SPATA7: variants seen among roughly 807,000 people sequenced by gnomAD.
SPATA7 encodes spermatogenesis associated 7.
A neutral mutation model predicts 51.8 loss-of-function variants in SPATA7; 43 were observed. The ratio of observed to expected loss-of-function variants is 0.83; its 90% CI spans 0.65 to 1.07. SPATA7 has a LOEUF of 1.07. Ranked by LOEUF, SPATA7 falls within the 50% of genes least tolerant of loss-of-function variation. The probability of loss-of-function intolerance (pLI) is 0.00; values close to 1 mark genes in which losing one functional copy is unlikely to be tolerated. For synonymous variants in SPATA7, 230 were observed against 252.8 expected (o/e 0.91, Z 0.86); for missense variants, 683 against 701.3 (o/e 0.97, Z 0.30).
At chr14:88,421,734 AG>A (rs996715624) in intron 5 of SPATA7, among the ~76,000 whole-genome samples, 14 of 152,128 alleles carry the variant, frequency 9.2e-5, no homozygotes, top group Admixed American at 1.3e-4. Context: ...GCGGATCACA[AG>A]GTCAGGAGTT....
At chr14:88,464,072 A>G (rs1372928550) in intron 4 of SPATA7, among the ~76,000 whole-genome samples, 1 of 151,828 alleles carries the variant, frequency 6.6e-6, no homozygotes, top group East Asian at 2.0e-4. Flanking sequence ...TACTCCTGAC[A>G]TCGTGATCCA....
chr14:88,418,641 A>C (rs1017651794), intron 5 of SPATA7, among the ~76,000 whole-genome samples: 2 of 151,920 alleles, frequency 1.3e-5, no homozygotes, highest in Non-Finnish European at 2.9e-5. Flanking sequence ...TGCCCAGCTA[A>C]TTTTTGTGTT....
At chr14:88,424,958 G>A (rs2139991687) in intron 5 of SPATA7, among the ~76,000 whole-genome samples, 1 of 152,220 alleles carries the variant, frequency 6.6e-6, no homozygotes, top group East Asian at 1.9e-4. Context: ...CCCAGAAAAA[G>A]AGTTAAAATC....
rs1052770727 is a variant in SPATA7 at position 88,433,184 on chromosome 14, A to G, written c.1132A>G (p.Ile378Val). ...TTTCATTGAAGATGTAACAGATGAA[A>G]TTTTGAAACTTGGTTTATTTTCAAA... is the stretch of plus-strand genomic sequence containing the variant. ...LSFIEDVTDE[I>V]LKLGLFSNRF... Residue 378 changes from isoleucine to valine, a missense_variant, in exon 10 of 12, where the codon ATT (isoleucine) becomes GTT (valine). Physicochemically the swap from Ile to Val is conservative, Grantham distance 29. Transcript: ENST00000393545. 2 of 1,611,496 alleles carry G rather than the reference A, an allele frequency of 1.2e-6. No homozygotes were observed.
intron 3 of SPATA7, among the ~76,000 whole-genome samples, chr14:88,452,725 C>T (rs1443338264): frequency 4.6e-5 from 7 of 152,178 alleles, no homozygotes; most frequent in African/African-American, 1.7e-4. Context: ...CCCCCTGCTG[C>T]TAGTATTTTT....
At chr14:88,410,322 T>C (rs2076306110) in intron 4 of SPATA7, among the ~76,000 whole-genome samples, 1 of 152,218 alleles carries the variant, frequency 6.6e-6, no homozygotes, top group African/African-American at 2.4e-5. Flanking sequence ...CTTGTTGCAT[T>C]GATCCCTTTA....
chr14:88,405,249 G>T (rs1260672474), intron 4 of SPATA7, among the ~76,000 whole-genome samples: 19 of 152,242 alleles, frequency 1.2e-4, no homozygotes. Flanking sequence ...TGAAGTCACT[G>T]AGATGGGACA....
chr14:88,406,430 TCTA>T (rs1410929927), intron 4 of SPATA7, among the ~76,000 whole-genome samples: 2 of 149,502 alleles, frequency 1.3e-5, no homozygotes, highest in Non-Finnish European at 3.0e-5. Context: ...CAACCACTAA[TCTA>T]CTTTTTTTTT....
intron 4 of SPATA7, among the ~76,000 whole-genome samples, chr14:88,409,131 C>CCCT (rs2076272430): frequency 6.6e-6 from 1 of 151,970 alleles, no homozygotes; most frequent in Non-Finnish European, 1.5e-5. Context: ...AGAGAGGAGT[C>CCCT]CCTCTTTGTC....
intron 4 of SPATA7, among the ~76,000 whole-genome samples, chr14:88,400,052 T>C (rs1448277065): frequency 6.6e-6 from 1 of 152,206 alleles, no homozygotes; most frequent in African/African-American, 2.4e-5. Flanking sequence ...ACATGAAACC[T>C]TCTTCAGAAT....
Position 88,385,742 on chromosome 14 carries a change from G to A in SPATA7, c.-77G>A. 6 of 1,437,040 alleles carry A rather than the reference G, an allele frequency of 4.2e-6. No individual in the cohort carries two copies. The highest frequency in any genetic ancestry group is 5.8e-6 in the Non-Finnish European group (6 of 1,036,302). The allele number at this position is 1,437,040 out of a possible 1,614,324, so 89.0% of individuals were successfully genotyped here. A position where few individuals can be genotyped will look rare whatever the true frequency, so the allele number is the denominator to read the frequency against. On this transcript the variant is annotated 5_prime_UTR_variant, in exon 1 of 12. Coordinates refer to ENST00000393545, the MANE Select transcript of SPATA7 (RefSeq NM_018418.5). ...GGCTCCTCTTTTCCAGTCCTCCACT[G>A]CCGGGGCTGGGCCCGGCCGCGGGAA...
chr14:88,441,555 G>A (rs1231842123), downstream of SPATA7, among the ~76,000 whole-genome samples: 3 of 152,102 alleles, frequency 2.0e-5, no homozygotes, highest in African/African-American at 7.2e-5. Context: ...GAACAGTAAG[G>A]TGGTATCGCG....
chr14:88,388,473 A>G (rs1323651803), intron 1 of SPATA7, among the ~76,000 whole-genome samples: 5 of 152,210 alleles, frequency 3.3e-5, no homozygotes, highest in African/African-American at 1.2e-4. Context: ...ATTTGGTTTG[A>G]GGCTACTTCT....
intron 3 of SPATA7, among the ~76,000 whole-genome samples, chr14:88,446,191 C>G (rs1263609672): frequency 6.6e-6 from 1 of 152,130 alleles, no homozygotes; most frequent in East Asian, 1.9e-4. Flanking sequence ...AGAGATTCAA[C>G]TTTTCCTGGT....
intron 4 of SPATA7, chr14:88,466,691 C>T (rs531611404): frequency 4.9e-4 from 75 of 152,326 alleles, no homozygotes; most frequent in African/African-American, 1.7e-3. Context: ...CCCTGTAACT[C>T]AGCCTGGCTC....
intron 3 of SPATA7, among the ~76,000 whole-genome samples, chr14:88,445,118 C>T (rs931541418): frequency 6.6e-6 from 1 of 151,998 alleles, no homozygotes; most frequent in African/African-American, 2.4e-5. Flanking sequence ...TACCCATGAG[C>T]ATGGAATGTT....
chr14:88,407,309 C>G (rs2076225880), intron 4 of SPATA7, among the ~76,000 whole-genome samples: 1 of 152,202 alleles, frequency 6.6e-6, no homozygotes, highest in Non-Finnish European at 1.5e-5. Context: ...GATCGCTATT[C>G]TAACTGGCAT....
At chr14:88,438,602 T>C (rs1430400180), downstream of SPATA7, 1 of 659,830 alleles carries the variant, frequency 1.5e-6, no homozygotes, top group Non-Finnish European at 2.7e-6. Flanking sequence ...GGATCAGGAG[T>C]GTAGGCACAG....
intron 4 of SPATA7, chr14:88,468,977 A>G (rs1477797567): frequency 6.8e-6 from 11 of 1,613,838 alleles, no homozygotes; most frequent in Non-Finnish European, 9.3e-6. Flanking sequence ...AGTCCTTCCT[A>G]CCCCAGCACT....
Sources: allele counts gnomAD v4.1 joint callset (sites outside exome capture counted in the v4.1 genomes callset), GRCh38; gene constraint gnomAD v4.1.1; transcripts MANE v1.5; gene names NCBI Gene and HGNC (gene_info 2026-07-23, HGNC 2026-07-21).